The following PCDHA9 variants were observed in gnomAD, a reference collection of about 807,000 sequenced individuals.
PCDHA9 encodes the protein protocadherin alpha-9.
A neutral mutation model predicts 62.0 loss-of-function variants in PCDHA9; 62 were observed. The observed-to-expected ratio is 1.00, with a 90% CI of 0.81 to 1.23. The LOEUF is 1.23. Ranked by LOEUF, PCDHA9 falls within the 50% of genes most tolerant of loss-of-function variation. The pLI is 0.00. For missense variants in PCDHA9, 1,205 were observed against 1,249.8 expected (o/e 0.96, Z 0.54); for synonymous variants, 557 against 567.6 (o/e 0.98, Z 0.27).
rs781807025 is a variant in PCDHA9, at chr5:140,872,165, CTT to C, written c.2394+21287_2394+21288del. Among the ~76,000 whole-genome samples the C allele has an allele frequency of 5.6e-3, 809 of 144,322 alleles. 4 individuals are homozygous for C. Among genetic ancestry groups the C allele is most frequent in the Middle Eastern group, 0.014 (4 of 276 alleles). 94.7% of individuals were successfully genotyped at this position (144,322 alleles called of 152,430 possible). On this transcript the variant is annotated intron_variant, in intron 1 of 3. Transcript: ENST00000532602. The stretch of plus-strand genomic sequence containing the variant: ...CATTAGTATGACATGATTTACTTTT[CTT>C]TTTTTTTTTTACAGTGTTAAACGTT...
At chr5:140,985,712 A>G (rs1319708410) in intron 3 of PCDHA9, among the ~76,000 whole-genome samples, 2 of 148,826 alleles carry the variant, frequency 1.3e-5, no homozygotes, top group Non-Finnish European at 3.0e-5. Context: ...TGTTTCTTAA[A>G]GTTATTTTTC....
At chr5:140,884,483 C>T (rs376374275) in intron 1 of PCDHA9, 3 of 1,613,862 alleles carry the variant, frequency 1.9e-6, no homozygotes, top group East Asian at 4.5e-5. Flanking sequence ...CAAGCCCACT[C>T]TAGTGTGCTC....
chr5:140,884,241 C>A (rs782355331), intron 1 of PCDHA9: 5 of 1,613,408 alleles, frequency 3.1e-6, no homozygotes, highest in Non-Finnish European at 4.2e-6. Flanking sequence ...GGTGAGCCCG[C>A]GCTGACGGCC....
intron 1 of PCDHA9, chr5:140,928,070 A>G (rs1408962097): frequency 1.9e-6 from 3 of 1,614,058 alleles, no homozygotes; most frequent in East Asian, 4.5e-5. Flanking sequence ...TCCTTTGACA[A>G]CTACTACAGC....
rs184537292 is a variant in PCDHA9, at chr5:140,970,210, C to T, written c.2395-8739C>T. Among the ~76,000 whole-genome samples, 8 of 152,308 alleles carry T rather than the reference C, an allele frequency of 5.3e-5. No homozygotes were observed. The East Asian group carries it at 1.5e-3, about 29-fold the overall frequency. On this transcript the variant is annotated intron_variant, in intron 1 of 3. Transcript: ENST00000532602. Reference sequence around the variant, plus strand: ...TGTAAGAGGATTTCCCTGAATTTAGCTTAAATGCAGCCTGTAATCTTCTGA... The same window carrying T: ...TGTAAGAGGATTTCCCTGAATTTAGTTTAAATGCAGCCTGTAATCTTCTGA...
chr5:140,981,755 A>G (rs868964961), intron 2 of PCDHA9, among the ~76,000 whole-genome samples: 12 of 152,222 alleles, frequency 7.9e-5, no homozygotes, highest in Admixed American at 3.3e-4. Context: ...TTAGTATTAG[A>G]CATACATAAA....
intron 1 of PCDHA9, chr5:140,862,204 A>C: frequency 5.7e-6 from 1 of 176,474 alleles, no homozygotes; most frequent in Non-Finnish European, 1.2e-5. Flanking sequence ...ATGTTTGATC[A>C]CTGCACAGAC....
chr5:140,928,981 G>A, intron 1 of PCDHA9: 1 of 1,613,802 alleles, frequency 6.2e-7, no homozygotes, highest in Non-Finnish European at 8.5e-7. Context: ...TTTATTTCTG[G>A]GGTGCTTACT....
chr5:140,993,462 T>TCTCACACACACA (rs1235362335), intron 3 of PCDHA9, among the ~76,000 whole-genome samples: 1 of 140,938 alleles, frequency 7.1e-6, no homozygotes, highest in African/African-American at 2.6e-5. Context: ...TCTTTCTTTC[T>TCTCACACACACA]CACACACACA....
At chr5:140,883,621 C>T (rs368758287) in intron 1 of PCDHA9, 80 of 1,613,850 alleles carry the variant, frequency 5.0e-5, no homozygotes, top group Non-Finnish European at 6.4e-5. Flanking sequence ...TGAACGACAA[C>T]GCGCCGGCGT....
chr5:140,857,544 G>T (rs1408742148), intron 1 of PCDHA9: 1 of 1,596,898 alleles, frequency 6.3e-7, no homozygotes, highest in Non-Finnish European at 8.6e-7. Flanking sequence ...CGGCGGTTGG[G>T]CGAGCGCTCG....
At chr5:140,950,429 T>TGTA (rs1554219455) in intron 1 of PCDHA9, among the ~76,000 whole-genome samples, 5 of 151,900 alleles carry the variant, frequency 3.3e-5, no homozygotes, top group African/African-American at 1.2e-4. Flanking sequence ...TTCTTCCACT[T>TGTA]AAAAAAAATG....
intron 1 of PCDHA9, among the ~76,000 whole-genome samples, chr5:140,935,686 C>T (rs943427521): frequency 3.3e-5 from 5 of 152,108 alleles, no homozygotes; most frequent in Non-Finnish European, 7.4e-5. Flanking sequence ...ATTTACATGG[C>T]TCCAAAATAA....
intron 1 of PCDHA9, chr5:140,863,088 C>T: frequency 1.7e-6 from 1 of 574,660 alleles, no homozygotes; most frequent in Non-Finnish European, 3.4e-6. Flanking sequence ...GCGAGATCAG[C>T]ACGACGAGTA....
chr5:140,885,819 A>G (rs1488283542), intron 1 of PCDHA9, among the ~76,000 whole-genome samples: 1 of 152,032 alleles, frequency 6.6e-6, no homozygotes, highest in Non-Finnish European at 1.5e-5. Flanking sequence ...TTTGTATTTG[A>G]TCTTCTTTGA....
intron 1 of PCDHA9, among the ~76,000 whole-genome samples, chr5:140,881,865 T>C (rs1380240082): frequency 6.6e-6 from 1 of 152,222 alleles, no homozygotes; most frequent in Non-Finnish European, 1.5e-5. Flanking sequence ...AATAAATTTG[T>C]GGCAAAATGA....
intron 1 of PCDHA9, chr5:140,966,759 C>G: frequency 6.9e-7 from 1 of 1,447,012 alleles, no homozygotes; most frequent in Non-Finnish European, 9.1e-7. Context: ...CCGCCGCGGC[C>G]AGTGGCTATG....
intron 1 of PCDHA9, among the ~76,000 whole-genome samples, chr5:140,945,317 A>C (rs1322598969): frequency 1.3e-5 from 2 of 152,150 alleles, no homozygotes; most frequent in Non-Finnish European, 2.9e-5. Context: ...AAATAAATGG[A>C]AATATATTTT....
intron 2 of PCDHA9, among the ~76,000 whole-genome samples, chr5:140,979,418 T>A (rs895579689): frequency 3.3e-5 from 5 of 152,178 alleles, no homozygotes; most frequent in South Asian, 2.1e-4. Flanking sequence ...GTTTTTTTTT[T>A]AATCTCACAT....
Sources: gnomAD v4.1 joint callset for allele counts (sites outside exome capture counted in the v4.1 genomes callset) on GRCh38, gnomAD v4.1.1 for gene constraint, MANE v1.5 for transcripts, NCBI Gene and HGNC (gene_info 2026-07-23, HGNC 2026-07-21) for gene names.